ARHGEF1: variants seen among roughly 807,000 people sequenced by gnomAD.
ARHGEF1 encodes the protein Rho guanine nucleotide exchange factor 1.
Under a neutral mutation model 119.7 loss-of-function variants are expected in ARHGEF1, and 40 were observed. The observed-to-expected ratio is 0.33, with a 90% CI of 0.26 to 0.44. The LOEUF (loss-of-function observed/expected upper bound fraction) is 0.44. Ranked by LOEUF, ARHGEF1 falls within the 20% of genes least tolerant of loss-of-function variation. ARHGEF1 has a pLI of 1.00. For missense variants in ARHGEF1, 976 were observed against 1,268.3 expected (o/e 0.77, Z 3.50); for synonymous variants, 494 against 521.0 (o/e 0.95, Z 0.71).
At chr19:41,898,684 T>G in intron 14 of ARHGEF1, 97 bp downstream of exon 14, 1 of 1,424,460 alleles carries the variant, frequency 7.0e-7, no homozygotes, top group Non-Finnish European at 9.3e-7. Flanking sequence ...CTTGGTGTCA[T>G]TTACCATCGG....
downstream of ARHGEF1, chr19:41,910,023 T>TAA (rs2074743536): frequency 2.5e-6 from 4 of 1,613,534 alleles, no homozygotes. This position sits in a 1 kb window ranked among gnomAD's most constrained non-coding sequence, Gnocchi z 4.4. Flanking sequence ...AGCTCCAGGA[T>TAA]AAAGTGCCAC....
Position 41,905,093 on chromosome 19 carries a change from C to G in ARHGEF1, c.2249+57C>G. 6.2e-7 allele frequency: 1 copy of G among 1,612,132 alleles called. No individual in the cohort carries two copies. The highest frequency in any genetic ancestry group is 1.1e-5 in the South Asian group (1 of 91,032). ...GGAGGACGCCCAGGTTTCTGGGTTC[C>G]CAGGGACAGGAGGGCTGTGGGGAGG... On this transcript the variant is annotated intron_variant, in intron 23 of 28. Transcript: ENST00000354532. The surrounding 1 kb of genome is among the most constrained non-coding windows in gnomAD (Gnocchi z 6.4).
Position 41,892,491 on chromosome 19 carries a change from C to T in ARHGEF1, c.368-112C>T. The stretch of plus-strand genomic sequence containing the variant: ...CTCGGACAGCCGAGATTCATTCATT[C>T]CTTCTTGGCAGCGGCCTCAGGACGT... On this transcript the variant is annotated intron_variant, in intron 6 of 28. Transcript: ENST00000354532. This position sits in a 1 kb window ranked among gnomAD's most constrained non-coding sequence, Gnocchi z 6.3. 6.3e-7 allele frequency: 1 copy of T among 1,586,656 alleles called. No homozygotes were observed. The highest frequency in any genetic ancestry group is 8.6e-7 in the Non-Finnish European group (1 of 1,160,788).
rs193183348 is a variant in ARHGEF1 at position 41,891,633 on chromosome 19, C to T, written c.226-392C>T. ...AACTTCTTGAGCTCCGTTTTCTCAT[C>T]TGTAAAATGGGGATAATGACGGTCC... On this transcript the variant is annotated intron_variant, in intron 4 of 28. Transcript: ENST00000354532. Among the ~76,000 whole-genome samples, 7 of 152,270 alleles carry T rather than the reference C, an allele frequency of 4.6e-5. 1 individual carries two copies. The highest frequency in any genetic ancestry group is 1.7e-4 in the African/African-American group (7 of 41,544).
At chr19:41,894,065 GTA>G (rs1312932030) in intron 8 of ARHGEF1, 140 bp from the exon 9 acceptor site, 3 of 495,040 alleles carry the variant, frequency 6.1e-6, no homozygotes, top group Non-Finnish European at 1.0e-5. Context: ...CTCACAGGAA[GTA>G]GTTGTGGGGT....
chr19:41,906,419 CT>C lies in ARHGEF1; in HGVS notation c.2492-37del. On this transcript the variant is annotated intron_variant, in intron 26 of 28. Coordinates refer to ENST00000354532, the MANE Select transcript of ARHGEF1 (RefSeq NM_004706.4). The surrounding 1 kb of genome is among the most constrained non-coding windows in gnomAD (Gnocchi z 4.5). ...CCATCCCAGATCCCAGCCCAGCCCC[CT>C]GGTCTCCTGACTCCACCCCTCCTTG... 1 of 1,523,054 alleles carries C rather than the reference CT, an allele frequency of 6.6e-7. No individual in the cohort carries two copies. The highest frequency in any genetic ancestry group is 8.8e-7 in the Non-Finnish European group (1 of 1,139,730). The allele number at this position is 1,523,054 out of a possible 1,614,324, so 94.3% of individuals were successfully genotyped here.
chr19:41,905,709 C>G lies in ARHGEF1; in HGVS notation c.2337-51C>G, dbSNP rs782288405. 1 of 1,583,786 alleles carries G rather than the reference C, an allele frequency of 6.3e-7. No homozygotes were observed. Among genetic ancestry groups the G allele is most frequent in the Non-Finnish European group, 8.7e-7 (1 of 1,156,050 alleles). ...CCAGCTCTCTGTCTCCCTGCCCCTGCGGCCCCCCAGGGCCAGGGGTGTGGG... is the reference window on the plus strand; with the variant it reads ...CCAGCTCTCTGTCTCCCTGCCCCTGGGGCCCCCCAGGGCCAGGGGTGTGGG... On this transcript the variant is annotated intron_variant, in intron 24 of 28. Coordinates refer to ENST00000354532, the MANE Select transcript of ARHGEF1 (RefSeq NM_004706.4). The surrounding 1 kb of genome is among the most constrained non-coding windows in gnomAD (Gnocchi z 6.4).
upstream of ARHGEF1, among the ~76,000 whole-genome samples, chr19:41,918,963 C>T (rs909399540): frequency 1.3e-5 from 2 of 149,906 alleles, no homozygotes; most frequent in Admixed American, 6.6e-5. Flanking sequence ...CACATGCACA[C>T]CACACACCAC....
chr19:41,916,046 G>T lies in ARHGEF1; in HGVS notation c.1866-7046G>T. ...CCTTCGCCCCCCATCTCTACCGCCC[G>T]CAGCCATGGCACCGAATGTGTGTGC... On this transcript the variant is annotated intron_variant, in intron 18 of 20. Transcript: ENST00000599589. This position sits in a 1 kb window ranked among gnomAD's most constrained non-coding sequence, Gnocchi z 5.4. Among the ~76,000 whole-genome samples, 1 of 131,676 alleles carries T rather than the reference G, an allele frequency of 7.6e-6. No individual in the cohort carries two copies. Among genetic ancestry groups the T allele is most frequent in the South Asian group, 2.5e-4 (1 of 3,994 alleles). The allele number at this position is 131,676 out of a possible 152,430, so 86.4% of individuals were successfully genotyped here.
downstream of ARHGEF1, chr19:41,907,540 C>A: frequency 1.3e-6 from 1 of 761,394 alleles, no homozygotes; most frequent in Non-Finnish European, 2.0e-6. Flanking sequence ...GGGTCTGTGC[C>A]TCTGCGCCTC....
In ARHGEF1 at chr19:41,883,589, G is replaced by A. The variant is rs2074252841; in HGVS notation, c.-20+300G>A. ...CTACCATTGTACGGGTGGGGAAACCGAGGCCCGGGGAGCCAAACCGACTCG... is the reference window on the plus strand; with the variant it reads ...CTACCATTGTACGGGTGGGGAAACCAAGGCCCGGGGAGCCAAACCGACTCG... On this transcript the variant is annotated intron_variant, in intron 1 of 28. Transcript: ENST00000354532. The surrounding 1 kb of genome is among the most constrained non-coding windows in gnomAD (Gnocchi z 7.6). Among the ~76,000 whole-genome samples, 1 of 152,202 alleles carries A rather than the reference G, an allele frequency of 6.6e-6. No homozygotes were observed. Among genetic ancestry groups the A allele is most frequent in the South Asian group, 2.1e-4 (1 of 4,834 alleles).
intron 18 of ARHGEF1, among the ~76,000 whole-genome samples, chr19:41,913,439 C>T (rs1555851448): frequency 6.6e-6 from 1 of 151,892 alleles, no homozygotes; most frequent in African/African-American, 2.4e-5. Flanking sequence ...ACACCCGCCC[C>T]ACCCGGACGA....
At position 41,905,482 on chromosome 19, in the gene ARHGEF1, T is replaced by G. The variant is rs1327390051; in HGVS notation, c.2336+221T>G. The stretch of plus-strand genomic sequence containing the variant: ...CGTGTGCATGTGTGTGCGTGTATGG[T>G]GTGTGTGTATGCATATGTGTGCATG... On this transcript the variant is annotated intron_variant, in intron 24 of 28. Transcript: ENST00000354532. The surrounding 1 kb of genome is among the most constrained non-coding windows in gnomAD (Gnocchi z 6.4). The G allele has an allele frequency of 1.7e-6, 1 of 597,976 alleles. No homozygotes were observed. Among genetic ancestry groups the G allele is most frequent in the Admixed American group, 3.0e-5 (1 of 33,382 alleles). The allele number at this position is 597,976 out of a possible 1,614,324, so 37.0% of individuals were successfully genotyped here.
Position 41,892,998 on chromosome 19 carries a change from T to G in ARHGEF1, c.614+149T>G. On this transcript the variant is annotated intron_variant, in intron 7 of 28. Coordinates refer to ENST00000354532, the MANE Select transcript of ARHGEF1 (RefSeq NM_004706.4). This position sits in a 1 kb window ranked among gnomAD's most constrained non-coding sequence, Gnocchi z 6.3. ...CTGGGGGTCTTCCTCTACCCTGGTG[T>G]TTTAACTCACCTTGAATCCGAGTCT... 8.0e-7 allele frequency: 1 copy of G among 1,250,422 alleles called. No homozygotes were observed. The highest frequency in any genetic ancestry group is 1.5e-5 in the African/African-American group (1 of 66,010). The allele number at this position is 1,250,422 out of a possible 1,614,324, so 77.5% of individuals were successfully genotyped here.
exon 2 of ARHGEF1, chr19:41,928,932 C>G (rs1555853598): frequency 2.2e-6 from 1 of 456,222 alleles, no homozygotes; most frequent in African/African-American, 2.0e-5. Context: ...GAACACGGAC[C>G]CGCACACACG....
chr19:41,888,299 A>G lies in ARHGEF1; in HGVS notation c.111+21A>G, dbSNP rs569898070. 5 of 1,611,592 alleles carry G rather than the reference A, an allele frequency of 3.1e-6. No individual in the cohort carries two copies. In the East Asian group the frequency reaches 1.1e-4, roughly 36 times the overall value. ...AGACAGTGAGTGGGAGATAGGGTGGAAAAGCTCTGTCCCAGGCTCAGTGTC... is the reference window on the plus strand; with the variant it reads ...AGACAGTGAGTGGGAGATAGGGTGGGAAAGCTCTGTCCCAGGCTCAGTGTC... On this transcript the variant is annotated intron_variant, in intron 3 of 28. Coordinates refer to ENST00000354532, the MANE Select transcript of ARHGEF1 (RefSeq NM_004706.4). This position sits in a 1 kb window ranked among gnomAD's most constrained non-coding sequence, Gnocchi z 5.1.
rs1555852065 is a variant in ARHGEF1, at chr19:41,917,669, C to T, written c.1866-5423C>T. On this transcript the variant is annotated intron_variant, in intron 18 of 20. Coordinates refer to the ARHGEF1 transcript ENST00000599589. This position sits in a 1 kb window ranked among gnomAD's most constrained non-coding sequence, Gnocchi z 4.8. The stretch of plus-strand genomic sequence containing the variant: ...ACACGCACGCACGCACACACACACC[C>T]TGACTGCACCCACCCATGGCCACAC... Among the ~76,000 whole-genome samples the T allele has an allele frequency of 4.0e-5, 6 of 151,828 alleles. No individual in the cohort carries two copies. The highest frequency in any genetic ancestry group is 8.8e-5 in the Non-Finnish European group (6 of 67,942).
At position 41,892,460 on chromosome 19, in the gene ARHGEF1, G is replaced by C. The variant is rs2074392572; in HGVS notation, c.367+87G>C. 1 of 1,597,344 alleles carries C rather than the reference G, an allele frequency of 6.3e-7. No individual in the cohort carries two copies. Among genetic ancestry groups the C allele is most frequent in the Non-Finnish European group, 8.6e-7 (1 of 1,166,724 alleles). On this transcript the variant is annotated intron_variant, in intron 6 of 28. Transcript: ENST00000354532. The surrounding 1 kb of genome is among the most constrained non-coding windows in gnomAD (Gnocchi z 6.3). ...AAGGGGAGGGAGGCCGCACTCCCAT[G>C]CTCTGCTCGGACAGCCGAGATTCAT...
intron 1 of ARHGEF1, chr19:41,884,446 G>A: frequency 1.9e-6 from 3 of 1,605,620 alleles, no homozygotes; most frequent in Non-Finnish European, 8.5e-7. Context: ...CGAGCGCGGA[G>A]GCTTCGGTTC....
Sources: allele counts gnomAD v4.1 joint callset (sites outside exome capture counted in the v4.1 genomes callset), GRCh38; gene constraint gnomAD v4.1.1; non-coding constraint Gnocchi (gnomAD v3.1); transcripts MANE v1.5; gene names NCBI Gene and HGNC (gene_info 2026-07-23, HGNC 2026-07-21).